PAX2: variants seen among roughly 807,000 people sequenced by gnomAD.
PAX2 encodes the protein paired box 2, also known as paired box protein Pax-2.
In PAX2, 9 loss-of-function variants were observed where a neutral mutation model predicts 41.7. The ratio of observed to expected loss-of-function variants is 0.22; its 90% CI spans 0.13 to 0.38. The LOEUF (loss-of-function observed/expected upper bound fraction) is 0.38. Among genes scored for constraint, PAX2 ranks in the 10% least tolerant of loss-of-function variants. PAX2 has a pLI of 1.00. For missense variants in PAX2, 418 were observed against 531.6 expected (o/e 0.79, Z 2.10); for synonymous variants, 221 against 212.7 (o/e 1.04, Z -0.34).
At chr10:100,773,685 T>C (rs551252909) in intron 3 of PAX2, among the ~76,000 whole-genome samples, 6 of 152,302 alleles carry the variant, frequency 3.9e-5, no homozygotes, top group Middle Eastern at 3.4e-3. Context: ...AGGAATATTA[T>C]TGGCCTGGAG....
chr10:100,787,904 T>C (rs1337252904), intron 5 of PAX2, among the ~76,000 whole-genome samples: 1 of 152,012 alleles, frequency 6.6e-6, no homozygotes, highest in Non-Finnish European at 1.5e-5. Flanking sequence ...GTGTTGTTAT[T>C]GCAAATTAAA....
At chr10:100,806,308 G>T in intron 5 of PAX2, 122 bp from the exon 6 acceptor site, 1 of 991,600 alleles carries the variant, frequency 1.0e-6, no homozygotes, top group Non-Finnish European at 1.6e-6. Flanking sequence ...CTGAGAGTAA[G>T]GGGTCCCATA....
At chr10:100,758,373 C>T (rs1050671688) in intron 3 of PAX2, among the ~76,000 whole-genome samples, 7 of 152,044 alleles carry the variant, frequency 4.6e-5, no homozygotes, top group Non-Finnish European at 1.0e-4. Context: ...ATCTCCTGAC[C>T]TCGTGATCCG....
chr10:100,747,066 T>G (rs993913978), intron 1 of PAX2: 2 of 152,210 alleles, frequency 1.3e-5, no homozygotes, highest in African/African-American at 4.8e-5. Flanking sequence ...GGGGATGCTC[T>G]AAAAACAAAG....
intron 1 of PAX2, chr10:100,735,761 C>T: frequency 1.9e-6 from 2 of 1,032,476 alleles, no homozygotes; most frequent in African/African-American, 1.7e-5. Context: ...CCGTCCGCGC[C>T]GCAGGCGAGG....
chr10:100,757,807 G>A lies in PAX2; in HGVS notation c.410+6916G>A, dbSNP rs142975870. Among the ~76,000 whole-genome samples the A allele has an allele frequency of 4.6e-3, 697 of 151,176 alleles. 2 individuals are homozygous for A. The highest frequency in any genetic ancestry group is 0.014 in the African/African-American group (589 of 41,126). Reference sequence around the variant, plus strand: ...GGTGTAGATGAGGCGTGATGGCAGAGGCAGCCTCAGGTCTCCTGAGGAAGG... The same window carrying A: ...GGTGTAGATGAGGCGTGATGGCAGAAGCAGCCTCAGGTCTCCTGAGGAAGG... On this transcript the variant is annotated intron_variant, in intron 3 of 9. Transcript: ENST00000355243.
At position 100,829,526 on chromosome 10, in the gene PAX2, C is replaced by T; in HGVS notation, c.*1907C>T. ...ATGTCTCCTCACCCGTGGATCGTGACGACTCGAAATAACAGAAACAAAGTC... is the reference window on the plus strand; with the variant it reads ...ATGTCTCCTCACCCGTGGATCGTGATGACTCGAAATAACAGAAACAAAGTC... On this transcript the variant is annotated 3_prime_UTR_variant, in exon 10 of 10. Coordinates refer to ENST00000355243, the MANE Select transcript of PAX2 (RefSeq NM_000278.5). 4.8e-6 allele frequency: 1 copy of T among 208,578 alleles called. No homozygotes were observed. 12.9% of individuals were successfully genotyped at this position (208,578 alleles called of 1,614,324 possible).
intron 1 of PAX2, chr10:100,749,471 A>C: frequency 7.8e-7 from 1 of 1,280,574 alleles, no homozygotes; most frequent in Non-Finnish European, 9.8e-7. Flanking sequence ...CTTTTCTGTC[A>C]TCTGGTTTCT....
At chr10:100,749,615 T>G in intron 1 of PAX2, 131 bp from the exon 2 acceptor site, 1 of 1,461,296 alleles carries the variant, frequency 6.8e-7, no homozygotes, top group Non-Finnish European at 9.1e-7. Context: ...TCCACCACCT[T>G]TCTTCTCAAG....
At chr10:100,763,727 A>G (rs1845913331) in intron 3 of PAX2, among the ~76,000 whole-genome samples, 1 of 152,192 alleles carries the variant, frequency 6.6e-6, no homozygotes, top group African/African-American at 2.4e-5. Flanking sequence ...TCATTCATCC[A>G]TTCAGAAGCA....
chr10:100,797,252 A>C (rs1847371297), intron 5 of PAX2, among the ~76,000 whole-genome samples: 1 of 152,220 alleles, frequency 6.6e-6, no homozygotes, highest in South Asian at 2.1e-4. Flanking sequence ...ATACGAAGAG[A>C]TTCTAAATTT....
At chr10:100,806,736 T>TGC in intron 6 of PAX2, 131 bp downstream of exon 6, 1 of 829,598 alleles carries the variant, frequency 1.2e-6, no homozygotes, top group Non-Finnish European at 2.1e-6. Flanking sequence ...TCTGTGTGTG[T>TGC]GCAGTGTGAA....
chr10:100,828,559 G>T lies in PAX2; in HGVS notation c.*940G>T, dbSNP rs563365631. On this transcript the variant is annotated 3_prime_UTR_variant, in exon 10 of 10. Transcript: ENST00000355243. This position sits in a 1 kb window ranked among gnomAD's most constrained non-coding sequence, Gnocchi z 6.5. ...TCGCAGCCCCATCGGACGCTCTCCC[G>T]GGACCGCCGCAGGACCAGTTTCCAT... The T allele has an allele frequency of 4.3e-6, 1 of 233,134 alleles. No homozygotes were observed. The highest frequency in any genetic ancestry group is 8.5e-6 in the Non-Finnish European group (1 of 118,070). The allele number at this position is 233,134 out of a possible 1,614,324, so 14.4% of individuals were successfully genotyped here. A position where few individuals can be genotyped will look rare whatever the true frequency, so the allele number is the denominator to read the frequency against.
intron 5 of PAX2, among the ~76,000 whole-genome samples, chr10:100,790,860 AGAGGGCTGGGG>A (rs1261619978): frequency 2.0e-5 from 3 of 152,182 alleles, no homozygotes; most frequent in African/African-American, 4.8e-5. Context: ...GGAAAGGCAT[AGAGGGCTGGGG>A]GAGGGCTGGG....
chr10:100,815,802 G>A (rs1417608902), intron 7 of PAX2, among the ~76,000 whole-genome samples: 1 of 152,158 alleles, frequency 6.6e-6, no homozygotes, highest in Non-Finnish European at 1.5e-5. Context: ...TCAATCTCAG[G>A]TCCCAATCCC....
intron 3 of PAX2, among the ~76,000 whole-genome samples, chr10:100,758,957 G>A (rs961993322): frequency 2.0e-5 from 3 of 152,190 alleles, no homozygotes; most frequent in African/African-American, 7.2e-5. Context: ...GGTGTGGGTA[G>A]GGAGAGGCAG....
chr10:100,773,920 C>T (rs1030529727), intron 3 of PAX2, among the ~76,000 whole-genome samples: 1 of 152,202 alleles, frequency 6.6e-6, no homozygotes, highest in African/African-American at 2.4e-5. Context: ...CCAGCCTTGC[C>T]TCCTGCTTCC....
At chr10:100,805,341 C>T (rs547672822) in intron 5 of PAX2, among the ~76,000 whole-genome samples, 5 of 152,296 alleles carry the variant, frequency 3.3e-5, no homozygotes, top group South Asian at 4.2e-4. Flanking sequence ...CTGGGGCCTC[C>T]GGCATGGGCT....
intron 5 of PAX2, among the ~76,000 whole-genome samples, chr10:100,787,570 C>G (rs1451120762): frequency 6.6e-6 from 1 of 152,094 alleles, no homozygotes; most frequent in Non-Finnish European, 1.5e-5. Flanking sequence ...CATGAATCTT[C>G]CTCACTGCTG....
Sources: allele counts gnomAD v4.1 joint callset (sites outside exome capture counted in the v4.1 genomes callset), GRCh38; gene constraint gnomAD v4.1.1; non-coding constraint Gnocchi (gnomAD v3.1); transcripts MANE v1.5; gene names NCBI Gene and HGNC (gene_info 2026-07-23, HGNC 2026-07-21).